Variants in ZBTB16 observed in about 807,000 individuals in gnomAD.
ZBTB16 encodes zinc finger and BTB domain containing 16.
In ZBTB16, 8 loss-of-function variants were observed where a neutral mutation model predicts 56.8. The ratio of observed to expected loss-of-function variants is 0.14; its 90% confidence interval spans 0.08 to 0.25. The LOEUF (loss-of-function observed/expected upper bound fraction) is 0.25, where lower values mean the gene tolerates loss of function less well. Ranked by LOEUF, ZBTB16 falls within the 10% of genes least tolerant of loss-of-function variation. ZBTB16 has a pLI of 1.00. For missense variants in ZBTB16, 625 were observed against 903.0 expected (o/e 0.69, Z 3.95); for synonymous variants, 363 against 368.5 (o/e 0.98, Z 0.17).
At chr11:114,085,488 A>G (rs1939925891) in intron 2 of ZBTB16, among the ~76,000 whole-genome samples, 1 of 145,416 alleles carries the variant, frequency 6.9e-6, no homozygotes, top group Non-Finnish European at 1.5e-5. Context: ...TGACAGCCAT[A>G]TGTGTATGAC....
At chr11:114,095,240 C>A (rs373819399) in intron 2 of ZBTB16, among the ~76,000 whole-genome samples, 11 of 79,342 alleles carry the variant, frequency 1.4e-4, no homozygotes, top group African/African-American at 6.7e-4. Flanking sequence ...CTTTTCTTTT[C>A]TTTTCTTTTT....
At chr11:114,150,968 G>C (rs1427283437) in intron 2 of ZBTB16, among the ~76,000 whole-genome samples, 3 of 152,224 alleles carry the variant, frequency 2.0e-5, no homozygotes, top group Non-Finnish European at 2.9e-5. Flanking sequence ...TGGTGGCTGG[G>C]TAAGTAGATG....
At chr11:114,103,853 G>C (rs1940698641) in intron 2 of ZBTB16, among the ~76,000 whole-genome samples, 2 of 152,088 alleles carry the variant, frequency 1.3e-5, no homozygotes, top group African/African-American at 4.8e-5. Flanking sequence ...TGGCATCAGT[G>C]GTGCACTGAA....
intron 4 of ZBTB16, among the ~76,000 whole-genome samples, chr11:114,222,728 G>A (rs1183127444): frequency 6.6e-6 from 1 of 152,204 alleles, no homozygotes; most frequent in African/African-American, 2.4e-5. Context: ...TGATTTCTGA[G>A]CATGCTAGTG....
chr11:114,062,198 G>C (rs1293448935), intron 1 of ZBTB16, among the ~76,000 whole-genome samples: 1 of 151,998 alleles, frequency 6.6e-6, no homozygotes, highest in Non-Finnish European at 1.5e-5. Flanking sequence ...CCGCCTCCCG[G>C]TTTCAAGTGA....
intron 3 of ZBTB16, among the ~76,000 whole-genome samples, chr11:114,158,895 C>T (rs574724523): frequency 1.6e-4 from 24 of 152,342 alleles, no homozygotes; most frequent in Middle Eastern, 3.4e-3. Context: ...AACAGGGACA[C>T]TCCTCTCTCC....
intron 3 of ZBTB16, among the ~76,000 whole-genome samples, chr11:114,181,854 G>A (rs1159441510): frequency 2.6e-5 from 4 of 151,996 alleles, no homozygotes; most frequent in East Asian, 1.9e-4. Flanking sequence ...CCCCAGCCCC[G>A]CATCTCCCAC....
Position 114,159,942 on chromosome 11 carries a change from G to GGA in ZBTB16, c.1366+3509_1366+3510insAG, listed in dbSNP as rs1555145912. On this transcript the variant is annotated intron_variant, in intron 3 of 6. Coordinates refer to ENST00000335953, the MANE Select transcript of ZBTB16 (RefSeq NM_006006.6). ...AGAACCCTGGGCGGGGGAGGCGGGG[G>GGA]GGAGGCGAGCATTTTTTTTCAAAAG... Among the ~76,000 whole-genome samples the GGA allele has an allele frequency of 4.7e-5, 7 of 148,012 alleles. 1 individual carries two copies. Among genetic ancestry groups the GGA allele is most frequent in the African/African-American group, 1.8e-4 (7 of 39,498 alleles).
At chr11:114,112,760 CTT>C (rs398017637) in intron 2 of ZBTB16, among the ~76,000 whole-genome samples, 43,935 of 132,836 alleles carry the variant, frequency 0.33, 7,525 homozygotes, top group African/African-American at 0.45. Context: ...AGTTCATTTT[CTT>C]TTTTTTTTTT....
chr11:114,238,185 A>G (rs902086097), intron 4 of ZBTB16, among the ~76,000 whole-genome samples: 10 of 151,588 alleles, frequency 6.6e-5, no homozygotes, highest in Non-Finnish European at 1.3e-4. Flanking sequence ...TCTGGTCCCT[A>G]CCCTCCTCCA....
At chr11:114,182,683 C>T (rs1280540873) in intron 3 of ZBTB16, among the ~76,000 whole-genome samples, 5 of 152,122 alleles carry the variant, frequency 3.3e-5, no homozygotes, top group East Asian at 1.9e-4. Flanking sequence ...GTTCAGCTGG[C>T]GTGACCTTCT....
rs145655784 is a variant in ZBTB16, at chr11:114,064,329, C to T, written c.1029C>T (p.Asp343=). ...IYSVLPNHKA[D]AVLSMPSSVT... The stretch of plus-strand genomic sequence containing the variant: ...CCGTGTTGCCCAACCACAAGGCTGA[C>T]GCTGTATTGAGCATGCCGTCTTCCG... Residue 343 remains aspartate (D), a synonymous_variant, in exon 2 of 7, where the codon GAC becomes GAT. Transcript: ENST00000335953. This position sits in a 1 kb window ranked among gnomAD's most constrained non-coding sequence, Gnocchi z 4.2. 18 of 1,613,996 alleles carry T rather than the reference C, an allele frequency of 1.1e-5. No homozygotes were observed. The highest frequency in any genetic ancestry group is 1.6e-4 in the Middle Eastern group (1 of 6,084).
intron 3 of ZBTB16, among the ~76,000 whole-genome samples, chr11:114,184,365 C>A (rs1943317519): frequency 6.6e-6 from 1 of 152,198 alleles, no homozygotes; most frequent in African/African-American, 2.4e-5. Context: ...TTCTCCAAGG[C>A]AGAGGTTTTC....
rs996311851 is a variant in ZBTB16 at position 114,252,778 on chromosome 11, AC to A, written c.*2230del. Among the ~76,000 whole-genome samples the A allele has an allele frequency of 3.3e-5, 5 of 149,746 alleles. No individual in the cohort carries two copies. The highest frequency in any genetic ancestry group is 6.7e-5 in the Admixed American group (1 of 14,970). On this transcript the variant is annotated 3_prime_UTR_variant, in exon 7 of 7. Transcript: ENST00000335953. ...CGGAGGGATGGGTGCTGCTGCGACGACCCCCCCGTCCCTCGGCCCCAGCCCT... is the reference window on the plus strand; with the variant it reads ...CGGAGGGATGGGTGCTGCTGCGACGACCCCCCGTCCCTCGGCCCCAGCCCT...
chr11:114,118,229 T>G (rs1591683638), intron 2 of ZBTB16, among the ~76,000 whole-genome samples: 1 of 152,198 alleles, frequency 6.6e-6, no homozygotes, highest in Non-Finnish European at 1.5e-5. Context: ...CAGGCTGGAG[T>G]GCAGTGGTGC....
intron 2 of ZBTB16, among the ~76,000 whole-genome samples, chr11:114,066,100 C>G (rs928001366): frequency 3.9e-5 from 6 of 152,154 alleles, no homozygotes; most frequent in Non-Finnish European, 8.8e-5. Context: ...TGCTGTTTTG[C>G]TGATCTTGGG....
intron 4 of ZBTB16, among the ~76,000 whole-genome samples, chr11:114,197,402 A>G (rs932294295): frequency 2.0e-5 from 3 of 151,934 alleles, no homozygotes; most frequent in Non-Finnish European, 2.9e-5. Context: ...AGTGTGAAGG[A>G]GTCTAGGAGG....
At chr11:114,247,062 C>T (rs1944829584) in intron 5 of ZBTB16, 136 bp from the exon 6 acceptor site, 5 of 1,077,606 alleles carry the variant, frequency 4.6e-6, no homozygotes, top group Non-Finnish European at 7.0e-6. Context: ...GAGGTGTGGC[C>T]GTGGATCCTT....
In ZBTB16 at chr11:114,205,185, G is replaced by A. The variant is rs574531371; in HGVS notation, c.1453+18147G>A. Among the ~76,000 whole-genome samples, 18 of 152,108 alleles carry A rather than the reference G, an allele frequency of 1.2e-4. No individual in the cohort carries two copies. In the East Asian group the frequency reaches 2.1e-3, roughly 18 times the overall value. On this transcript the variant is annotated intron_variant, in intron 4 of 6. Transcript: ENST00000335953. ...AGCACTTTGGGAGGCCGAGGTGGGC[G>A]GATCACGAGGTCAGGAGATCGAGAC...
Sources: gnomAD v4.1 joint callset for allele counts (sites outside exome capture counted in the v4.1 genomes callset) on GRCh38, gnomAD v4.1.1 for gene constraint, Gnocchi (gnomAD v3.1) non-coding constraint, MANE v1.5 for transcripts, NCBI Gene and HGNC (gene_info 2026-07-23, HGNC 2026-07-21) for gene names.